Variants in CSMD1 observed in about 807,000 individuals in gnomAD.
CSMD1 encodes CUB and sushi domain-containing protein 1.
Under a neutral mutation model 417.5 loss-of-function variants are expected in CSMD1, and 213 were observed. That is an observed-to-expected ratio of 0.51 (90% CI 0.46 to 0.57). The LOEUF is 0.57. Among genes scored for constraint, CSMD1 ranks in the 20% least tolerant of loss-of-function variants. CSMD1 has a pLI of 0.00. For missense variants in CSMD1, 6,923 were observed against 4,529.7 expected, an observed-to-expected ratio of 1.53 and a Z score of -15.17; for synonymous variants, 2,862 against 1,736.8, an observed-to-expected ratio of 1.65 and a Z score of -16.11.
intron 7 of CSMD1, among the ~76,000 whole-genome samples, chr8:3,694,442 T>A (rs1466542866): frequency 6.6e-6 from 1 of 152,108 alleles, no homozygotes; most frequent in East Asian, 1.9e-4. Flanking sequence ...GGCAGACAGC[T>A]GCATACATGA....
intron 5 of CSMD1, among the ~76,000 whole-genome samples, chr8:3,842,291 A>G (rs1285010768): frequency 6.6e-6 from 1 of 152,028 alleles, no homozygotes; most frequent in African/African-American, 2.4e-5. Flanking sequence ...AGGTTCTTTC[A>G]CTTTTCATTC....
intron 5 of CSMD1, among the ~76,000 whole-genome samples, chr8:3,856,243 C>G (rs1368170360): frequency 2.6e-5 from 4 of 152,096 alleles, no homozygotes; most frequent in Non-Finnish European, 5.9e-5. Flanking sequence ...CACCTGCTCT[C>G]TCTCTTCTTC....
intron 3 of CSMD1, among the ~76,000 whole-genome samples, chr8:4,319,782 A>G (rs1799162118): frequency 1.3e-5 from 2 of 152,120 alleles, no homozygotes; most frequent in Admixed American, 1.3e-4. Flanking sequence ...AAAATACCAG[A>G]GAGAGAAGAG....
intron 26 of CSMD1, among the ~76,000 whole-genome samples, chr8:3,283,059 C>G (rs1802858929): frequency 6.6e-6 from 1 of 152,136 alleles, no homozygotes; most frequent in Non-Finnish European, 1.5e-5. Context: ...CAAAAATGGG[C>G]TAGACAGCAA....
chr8:4,735,829 G>C lies in CSMD1; in HGVS notation c.86-98271C>G, dbSNP rs548685406. On this transcript the variant is annotated intron_variant, in intron 1 of 69. Coordinates refer to ENST00000635120, the MANE Select transcript of CSMD1 (RefSeq NM_033225.6). ...TGCCTAGATCTTCAATGGTGGTTCTGGAATCTGAACTGAGGCCTTTCTGAT... is the reference window on the plus strand; with the variant it reads ...TGCCTAGATCTTCAATGGTGGTTCTCGAATCTGAACTGAGGCCTTTCTGAT... Among the ~76,000 whole-genome samples the C allele has an allele frequency of 2.6e-5, 4 of 152,224 alleles. No individual in the cohort carries two copies. The South Asian group carries it at 8.3e-4, about 32-fold the overall frequency.
At chr8:4,252,482 G>A (rs1803147078) in intron 3 of CSMD1, among the ~76,000 whole-genome samples, 1 of 152,200 alleles carries the variant, frequency 6.6e-6, no homozygotes. Flanking sequence ...TACATTTCCA[G>A]GGCTTTTGAG....
At chr8:2,943,230 C>CT (rs56129101) in intron 68 of CSMD1, among the ~76,000 whole-genome samples, 6,171 of 144,364 alleles carry the variant, frequency 0.043, 231 homozygotes, top group African/African-American at 0.098. Flanking sequence ...ATTAATTTTT[C>CT]TTTTTTTTTT....
chr8:3,099,493 T>A (rs1253170009), intron 46 of CSMD1, among the ~76,000 whole-genome samples: 1 of 152,180 alleles, frequency 6.6e-6, no homozygotes, highest in Admixed American at 6.5e-5. Flanking sequence ...AACAAAAAAA[T>A]GCTACCAGAG....
At chr8:3,839,696 T>C (rs914318878) in intron 5 of CSMD1, among the ~76,000 whole-genome samples, 1 of 148,676 alleles carries the variant, frequency 6.7e-6, no homozygotes, top group Non-Finnish European at 1.5e-5. Flanking sequence ...TTGGGAGCTG[T>C]TGTGGAGAAT....
chr8:4,236,816 T>C (rs1214762106), intron 3 of CSMD1, among the ~76,000 whole-genome samples: 3 of 152,216 alleles, frequency 2.0e-5, no homozygotes, highest in East Asian at 1.9e-4. Flanking sequence ...ATTAAGTCTA[T>C]GTTGCTTTCC....
chr8:3,793,260 G>A (rs1002165644), intron 5 of CSMD1, among the ~76,000 whole-genome samples: 1 of 152,150 alleles, frequency 6.6e-6, no homozygotes, highest in East Asian at 1.9e-4. Flanking sequence ...TCAATCTCAA[G>A]CGACTGCAGC....
intron 3 of CSMD1, among the ~76,000 whole-genome samples, chr8:4,124,201 G>C (rs934759790): frequency 2.0e-5 from 3 of 152,122 alleles, no homozygotes; most frequent in Non-Finnish European, 4.4e-5. Flanking sequence ...AGTACGACCA[G>C]GAGGAAGCTT....
At chr8:4,746,738 T>A (rs927847054) in intron 1 of CSMD1, among the ~76,000 whole-genome samples, 6 of 151,772 alleles carry the variant, frequency 4.0e-5, no homozygotes, top group East Asian at 1.9e-4. Flanking sequence ...TCGGTGGGAG[T>A]CACCGGTAGA....
intron 61 of CSMD1, 68 bp from the exon 62 acceptor site, chr8:2,961,282 T>G (rs1803456742): frequency 1.1e-6 from 1 of 901,960 alleles, no homozygotes; most frequent in Non-Finnish European, 1.8e-6. Context: ...TTAACAGCTT[T>G]CACTAAAAGG....
At chr8:3,374,829 C>T (rs1434650128) in intron 18 of CSMD1, among the ~76,000 whole-genome samples, 1 of 152,156 alleles carries the variant, frequency 6.6e-6, no homozygotes, top group South Asian at 2.1e-4. Context: ...CTTCCCACCA[C>T]CCGCACCACC....
chr8:4,806,068 C>T (rs1051816098), intron 1 of CSMD1, among the ~76,000 whole-genome samples: 1 of 152,128 alleles, frequency 6.6e-6, no homozygotes, highest in Non-Finnish European at 1.5e-5. Flanking sequence ...TTTTCGGTGT[C>T]ATTTACAGAC....
At chr8:3,822,716 A>G (rs1390173936) in intron 5 of CSMD1, among the ~76,000 whole-genome samples, 1 of 152,138 alleles carries the variant, frequency 6.6e-6, no homozygotes, top group Non-Finnish European at 1.5e-5. Flanking sequence ...GTGACACCCT[A>G]AAGTCCTTTG....
At chr8:3,748,872 C>T (rs717426) in intron 6 of CSMD1, among the ~76,000 whole-genome samples, 48,218 of 152,084 alleles carry the variant, frequency 0.32, 7,917 homozygotes, top group Admixed American at 0.36. Flanking sequence ...CAAGCTTTAT[C>T]GCCACTGTCA....
intron 5 of CSMD1, among the ~76,000 whole-genome samples, chr8:3,800,797 G>T (rs1456992655): frequency 6.6e-6 from 1 of 152,032 alleles, no homozygotes; most frequent in Non-Finnish European, 1.5e-5. Context: ...GCTGTATTTT[G>T]TACGTGCCCA....
Sources: allele counts gnomAD v4.1 joint callset (sites outside exome capture counted in the v4.1 genomes callset), GRCh38; gene constraint gnomAD v4.1.1; transcripts MANE v1.5; gene names NCBI Gene and HGNC (gene_info 2026-07-23, HGNC 2026-07-21).